LPP: variants seen among roughly 807,000 people sequenced by gnomAD.
LPP encodes the protein LIM domain containing preferred translocation partner in lipoma.
LPP carries 38 observed loss-of-function variants against 60.4 expected under a neutral mutation model. The observed-to-expected ratio is 0.63, with a 90% confidence interval of 0.49 to 0.83. LPP has a LOEUF of 0.83. LPP is among the 40% of genes least tolerant of loss of function. The probability of loss-of-function intolerance (pLI) is 0.00; values close to 1 mark genes in which losing one functional copy is unlikely to be tolerated. For missense variants in LPP, 902 were observed against 783.6 expected (o/e 1.15, Z -1.80); for synonymous variants, 328 against 290.8 (o/e 1.13, Z -1.30).
intron 1 of LPP, among the ~76,000 whole-genome samples, chr3:188,188,362 G>A (rs927928202): frequency 2.0e-5 from 3 of 152,168 alleles, no homozygotes; most frequent in Non-Finnish European, 4.4e-5. Flanking sequence ...GGGACTTATT[G>A]CAAAGTTGGT....
intron 2 of LPP, among the ~76,000 whole-genome samples, chr3:188,300,627 A>G (rs1279209990): frequency 6.6e-6 from 1 of 152,188 alleles, no homozygotes; most frequent in Non-Finnish European, 1.5e-5. Flanking sequence ...ACTACAGCAA[A>G]ACATATTAGC....
At chr3:188,817,132 C>T (rs1158916666) in intron 9 of LPP, among the ~76,000 whole-genome samples, 1 of 152,192 alleles carries the variant, frequency 6.6e-6, no homozygotes, top group East Asian at 1.9e-4. Context: ...CAGAAGCCAA[C>T]ATGGTTATCA....
chr3:188,351,282 G>A (rs958898766), intron 3 of LPP, among the ~76,000 whole-genome samples: 3 of 152,114 alleles, frequency 2.0e-5, no homozygotes, highest in African/African-American at 7.2e-5. Flanking sequence ...AAGAATTTCG[G>A]AACTGGAAAG....
At chr3:188,331,536 C>T (rs1356567724) in intron 2 of LPP, among the ~76,000 whole-genome samples, 1 of 152,216 alleles carries the variant, frequency 6.6e-6, no homozygotes, top group Non-Finnish European at 1.5e-5. Flanking sequence ...ATATTGCTTA[C>T]ACATGACATG....
At chr3:188,543,368 T>C (rs767024137) in intron 6 of LPP, among the ~76,000 whole-genome samples, 9 of 152,136 alleles carry the variant, frequency 5.9e-5, no homozygotes, top group African/African-American at 2.2e-4. Flanking sequence ...GCGTATTTTC[T>C]CTTTGTTCTT....
At chr3:188,624,947 T>C (rs1846552513) in intron 7 of LPP, among the ~76,000 whole-genome samples, 1 of 152,048 alleles carries the variant, frequency 6.6e-6, no homozygotes, top group South Asian at 2.1e-4. Flanking sequence ...CTTCCTTTTT[T>C]TTCTTTTTTA....
chr3:188,816,980 G>A (rs931268169), intron 9 of LPP, among the ~76,000 whole-genome samples: 6 of 152,208 alleles, frequency 3.9e-5, no homozygotes, highest in Non-Finnish European at 1.5e-5. Flanking sequence ...AGAGTAAGTA[G>A]TGAGAAGCAT....
chr3:188,552,028 G>A (rs1236159613), intron 6 of LPP, among the ~76,000 whole-genome samples: 1 of 151,960 alleles, frequency 6.6e-6, no homozygotes, highest in Non-Finnish European at 1.5e-5. Context: ...ACAGAAAACA[G>A]AAAAAAATAT....
chr3:188,319,483 A>G (rs1233283700), intron 2 of LPP, among the ~76,000 whole-genome samples: 1 of 152,212 alleles, frequency 6.6e-6, no homozygotes. Flanking sequence ...GAGCCTTTTA[A>G]CTAATCAAAT....
chr3:188,298,998 C>A (rs1347243882), intron 2 of LPP, among the ~76,000 whole-genome samples: 1 of 152,192 alleles, frequency 6.6e-6, no homozygotes, highest in Non-Finnish European at 1.5e-5. Context: ...CAGGCCCAGA[C>A]TTTTCCCATA....
At chr3:188,576,363 C>T (rs113684900) in intron 6 of LPP, among the ~76,000 whole-genome samples, 11 of 152,228 alleles carry the variant, frequency 7.2e-5, no homozygotes, top group East Asian at 1.9e-4. Flanking sequence ...AGATGGTAAA[C>T]GGTAGGCTGG....
chr3:188,750,033 C>G (rs1488945792), intron 8 of LPP, among the ~76,000 whole-genome samples: 2 of 152,116 alleles, frequency 1.3e-5, no homozygotes, highest in South Asian at 4.1e-4. Flanking sequence ...GATCAAGGCA[C>G]CAGCAGGCTT....
chr3:188,564,260 ACT>A (rs1343545942), intron 6 of LPP, among the ~76,000 whole-genome samples: 1 of 151,960 alleles, frequency 6.6e-6, no homozygotes, highest in Non-Finnish European at 1.5e-5. Context: ...AGCTGGTCCT[ACT>A]GAGGGTAATT....
intron 4 of LPP, among the ~76,000 whole-genome samples, chr3:188,482,319 A>G (rs1805034150): frequency 6.6e-6 from 1 of 152,228 alleles, no homozygotes; most frequent in Non-Finnish European, 1.5e-5. Flanking sequence ...CAGATAGAAC[A>G]TTTGAACTTG....
At chr3:188,789,287 T>TTTG (rs35503915) in intron 9 of LPP, among the ~76,000 whole-genome samples, 19,514 of 151,984 alleles carry the variant, frequency 0.13, 1,771 homozygotes, top group Non-Finnish European at 0.2. Flanking sequence ...TGGAACCCTT[T>TTTG]TTGTTGTTGT....
At chr3:188,287,291 C>T (rs1448483118) in intron 2 of LPP, among the ~76,000 whole-genome samples, 1 of 152,220 alleles carries the variant, frequency 6.6e-6, no homozygotes, top group Non-Finnish European at 1.5e-5. Context: ...TGGGGCTTGC[C>T]ATCCCCCGCC....
intron 4 of LPP, among the ~76,000 whole-genome samples, chr3:188,418,763 A>G (rs1787012196): frequency 6.6e-6 from 1 of 152,142 alleles, no homozygotes; most frequent in Admixed American, 6.5e-5. Flanking sequence ...GTTATTACCA[A>G]GTTTCTCAAA....
chr3:188,373,538 A>G (rs1033611291), intron 3 of LPP, among the ~76,000 whole-genome samples: 6 of 151,960 alleles, frequency 3.9e-5, no homozygotes, highest in Admixed American at 3.3e-4. Context: ...TCCTTCTCCC[A>G]CTTTTTGATG....
At chr3:188,606,619 G>GAC (rs913145156) in intron 6 of LPP, among the ~76,000 whole-genome samples, 1 of 152,074 alleles carries the variant, frequency 6.6e-6, no homozygotes, top group Non-Finnish European at 1.5e-5. Context: ...GTACTAAATA[G>GAC]AAACATAGTT....
Sources: gnomAD v4.1 joint callset for allele counts (sites outside exome capture counted in the v4.1 genomes callset) on GRCh38, gnomAD v4.1.1 for gene constraint, MANE v1.5 for transcripts, NCBI Gene and HGNC (gene_info 2026-07-23, HGNC 2026-07-21) for gene names.